CDC25A: variants seen among roughly 807,000 people sequenced by gnomAD.
The protein encoded by CDC25A is M-phase inducer phosphatase 1.
In CDC25A, 17 loss-of-function variants were observed where a neutral mutation model predicts 64.6. The ratio of observed to expected loss-of-function variants is 0.26; its 90% confidence interval spans 0.18 to 0.39. The LOEUF (loss-of-function observed/expected upper bound fraction) is 0.39. Among genes scored for constraint, CDC25A ranks in the 10% least tolerant of loss-of-function variants. CDC25A has a pLI of 1.00. For missense variants in CDC25A, 473 were observed against 654.8 expected (o/e 0.72, Z 3.03); for synonymous variants, 229 against 238.6 (o/e 0.96, Z 0.37).
Position 48,188,092 on chromosome 3 carries a change from G to T in CDC25A, c.-145C>A. The T allele has an allele frequency of 1.6e-6, 1 of 623,998 alleles. No individual in the cohort carries two copies. The allele number at this position is 623,998 out of a possible 1,614,324, so 38.7% of individuals were successfully genotyped here. On this transcript the variant is annotated 5_prime_UTR_variant, in exon 1 of 15. Coordinates refer to ENST00000302506, the MANE Select transcript of CDC25A (RefSeq NM_001789.3). ...CACGACTCCGCGGTTCAGGGACGCG[G>T]CTGCCGCGGGCAAGCGGCGCGGCCG...
chr3:48,184,267 C>G (rs780760201), intron 3 of CDC25A, among the ~76,000 whole-genome samples: 1 of 152,008 alleles, frequency 6.6e-6, no homozygotes, highest in Admixed American at 6.6e-5. Context: ...GAGGCTGAGG[C>G]AGGAGAATCA....
At chr3:48,176,532 TATATATATATATATATATATATATATAAA>T (rs1006486475) in intron 8 of CDC25A, among the ~76,000 whole-genome samples, 5 of 1,160 alleles carry the variant, frequency 4.3e-3, no homozygotes, top group Non-Finnish European at 6.5e-3. Flanking sequence ...TGTGTGTGAG[TATATATATATATATATATATATATATAAA>T]ATATATATTA....
intron 13 of CDC25A, among the ~76,000 whole-genome samples, chr3:48,160,122 C>CT (rs1419387174): frequency 6.6e-6 from 1 of 152,154 alleles, no homozygotes; most frequent in Non-Finnish European, 1.5e-5. Flanking sequence ...GAAGCACCTT[C>CT]TTTTTTCTGA....
intron 8 of CDC25A, 200 bp from the exon 9 acceptor site, chr3:48,174,657 A>G (rs2032392712): frequency 2.0e-6 from 1 of 512,220 alleles, no homozygotes; most frequent in Non-Finnish European, 3.4e-6. Flanking sequence ...TGCTCAATGA[A>G]TATATACTCA....
intron 6 of CDC25A, among the ~76,000 whole-genome samples, chr3:48,178,287 G>T (rs757412794): frequency 6.6e-6 from 1 of 152,206 alleles, no homozygotes; most frequent in Non-Finnish European, 1.5e-5. Context: ...TTAGAAGGTT[G>T]CATCAGTGAA....
chr3:48,166,163 G>T (rs1376485679), intron 10 of CDC25A, among the ~76,000 whole-genome samples: 1 of 151,720 alleles, frequency 6.6e-6, no homozygotes, highest in African/African-American at 2.4e-5. Context: ...TGCACCTATA[G>T]TCCCAGCTAC....
chr3:48,180,080 T>C (rs1559963013), intron 6 of CDC25A, among the ~76,000 whole-genome samples: 1 of 152,034 alleles, frequency 6.6e-6, no homozygotes, highest in Non-Finnish European at 1.5e-5. Context: ...TTCACTGTAA[T>C]CCATAATAGT....
intron 14 of CDC25A, 32 bp downstream of exon 14, chr3:48,159,309 GGGA>G (rs759403783): frequency 1.4e-6 from 2 of 1,465,832 alleles, no homozygotes; most frequent in Non-Finnish European, 1.9e-6. Context: ...CTGGGGGCAG[GGGA>G]GGAGAGATGC....
intron 13 of CDC25A, chr3:48,161,035 C>A (rs1365192336): frequency 6.6e-6 from 1 of 151,760 alleles, no homozygotes; most frequent in African/African-American, 2.4e-5. Flanking sequence ...TGCCTGTAAT[C>A]CCAGCTACTT....
intron 13 of CDC25A, among the ~76,000 whole-genome samples, chr3:48,161,723 AAG>A (rs1575258022): frequency 1.3e-5 from 2 of 152,220 alleles, no homozygotes; most frequent in East Asian, 1.9e-4. Context: ...ATAAAAAAAA[AAG>A]AGAGCAGCAT....
chr3:48,165,391 T>C (rs2106699755), intron 12 of CDC25A, among the ~76,000 whole-genome samples: 2 of 149,222 alleles, frequency 1.3e-5, no homozygotes, highest in East Asian at 2.0e-4. Flanking sequence ...ACAAGTGTCC[T>C]TGATAATGAT....
At chr3:48,183,351 T>C (rs1264319825) in intron 4 of CDC25A, among the ~76,000 whole-genome samples, 1 of 152,188 alleles carries the variant, frequency 6.6e-6, no homozygotes, top group East Asian at 1.9e-4. Flanking sequence ...TAAAGCTCTG[T>C]TAGAGATGGA....
chr3:48,181,482 C>T, intron 5 of CDC25A: 2 of 776,344 alleles, frequency 2.6e-6, no homozygotes, highest in Admixed American at 2.1e-5. Context: ...CTAGCACTGG[C>T]GTGGGTGGCT....
chr3:48,160,125 T>C (rs2031686831), intron 13 of CDC25A, among the ~76,000 whole-genome samples: 1 of 152,166 alleles, frequency 6.6e-6, no homozygotes, highest in African/African-American at 2.4e-5. Context: ...GCACCTTCTT[T>C]TTTCTGAGAC....
chr3:48,183,784 C>T lies in CDC25A; in HGVS notation c.327+16G>A, dbSNP rs376763724. On this transcript the variant is annotated intron_variant, in intron 4 of 14. Coordinates refer to ENST00000302506, the MANE Select transcript of CDC25A (RefSeq NM_001789.3). ...ATAACAGGTATTAGCTCAAAATAAACAAGGAACTAACTTACAGGTAGGGAA... is the reference window on the plus strand; with the variant it reads ...ATAACAGGTATTAGCTCAAAATAAATAAGGAACTAACTTACAGGTAGGGAA... 6.5e-7 allele frequency: 1 copy of T among 1,541,138 alleles called. No individual in the cohort carries two copies. Among genetic ancestry groups the T allele is most frequent in the Admixed American group, 1.7e-5 (1 of 59,676 alleles).
intron 13 of CDC25A, among the ~76,000 whole-genome samples, chr3:48,160,567 C>T (rs1331173578): frequency 1.3e-5 from 2 of 151,886 alleles, no homozygotes; most frequent in African/African-American, 2.4e-5. Context: ...TCCGCCACCA[C>T]GCCTGGCTAA....
At chr3:48,185,493 G>A (rs979699935) in intron 2 of CDC25A, among the ~76,000 whole-genome samples, 3 of 151,324 alleles carry the variant, frequency 2.0e-5, no homozygotes, top group Non-Finnish European at 4.4e-5. Flanking sequence ...GGAGGTCGAA[G>A]TGGGTGGATC....
chr3:48,164,192 G>T, intron 13 of CDC25A, 115 bp downstream of exon 13: 1 of 959,064 alleles, frequency 1.0e-6, no homozygotes, highest in Non-Finnish European at 1.5e-6. Flanking sequence ...CTTGTTATGT[G>T]CCAGAGGTTG....
chr3:48,164,393 T>C lies in CDC25A; in HGVS notation c.1236A>G (p.Leu412=), dbSNP rs778824539. Residue 412 remains leucine (L), a synonymous_variant, in exon 13 of 15, where the codon TTA becomes TTG. Coordinates refer to ENST00000302506, the MANE Select transcript of CDC25A (RefSeq NM_001789.3). The stretch of plus-strand genomic sequence containing the variant: ...CAGTAGGTACAATGGGCTTCTTCAA[T>C]AAGAAGTCTTCAACCTCTTCTTCCA... ...LHMEEEVEDF[L]LKKPIVPTDG... is the part of the protein sequence containing the mutation. 30 of 1,601,282 alleles carry C rather than the reference T, an allele frequency of 1.9e-5. No individual in the cohort carries two copies. The South Asian group carries it at 2.3e-4, about 12-fold the overall frequency.
Sources: gnomAD v4.1 joint callset for allele counts (sites outside exome capture counted in the v4.1 genomes callset) on GRCh38, gnomAD v4.1.1 for gene constraint, MANE v1.5 for transcripts, NCBI Gene and HGNC (gene_info 2026-07-23, HGNC 2026-07-21) for gene names.